IGSF10: variants seen among roughly 807,000 people sequenced by gnomAD.
IGSF10 encodes the protein calvaria mechanical force protein 608.
A neutral mutation model predicts 128.2 loss-of-function variants in IGSF10; 126 were observed. The ratio of observed to expected loss-of-function variants is 0.98; its 90% CI spans 0.85 to 1.14. IGSF10 has a LOEUF of 1.14. Ranked by LOEUF, IGSF10 falls within the 50% of genes most tolerant of loss-of-function variation. The pLI is 0.00. For missense variants in IGSF10, 3,295 were observed against 3,149.8 expected (o/e 1.05, Z -1.10); for synonymous variants, 1,185 against 1,146.2 (o/e 1.03, Z -0.68).
chr3:151,534,790 A>T, the IGSF10 span, among the ~76,000 whole-genome samples: 1 of 127,438 alleles, frequency 7.8e-6, no homozygotes, highest in African/African-American at 2.8e-5. Flanking sequence ...GTACCCCAGA[A>T]TTTAAAGTGT....
At chr3:151,586,872 G>T in the IGSF10 span, among the ~76,000 whole-genome samples, 1 of 151,880 alleles carries the variant, frequency 6.6e-6, no homozygotes, top group Non-Finnish European at 1.5e-5. Context: ...TGGAGAGGGG[G>T]GGAAAACACA....
chr3:151,463,547 TTTTTTTTTTTTTTTCTG>T (rs1722161755), upstream of IGSF10, among the ~76,000 whole-genome samples: 1 of 110,186 alleles, frequency 9.1e-6, no homozygotes, highest in African/African-American at 3.6e-5. Flanking sequence ...TTTTTTTTTT[TTTTTTTTTTTTTTTCTG>T]AGACGGAGTT....
the IGSF10 span, among the ~76,000 whole-genome samples, chr3:151,578,989 G>A: frequency 6.6e-6 from 1 of 152,186 alleles, no homozygotes; most frequent in Non-Finnish European, 1.5e-5. Flanking sequence ...AGTTGTGTCA[G>A]TCTATCAATG....
Position 151,446,016 on chromosome 3 carries a change from G to C in IGSF10, c.3965C>G (p.Thr1322Ser), listed in dbSNP as rs1721166564. Reference protein sequence around the residue: ...ISTQTAIPATTPTFPASVITY... With the variant: ...ISTQTAIPATSPTFPASVITY... ...GATGACAGATGCAGGGAAGGTAGGA[G>C]TTGTTGCTGGTATTGCTGTTTGCGT... is the stretch of plus-strand genomic sequence containing the variant. Residue 1322 changes from threonine to serine, a missense_variant, in exon 6 of 8, where the codon ACT becomes AGT. Transcript: ENST00000282466. The C allele has an allele frequency of 8.7e-6, 14 of 1,614,168 alleles. No homozygotes were observed. Among genetic ancestry groups the C allele is most frequent in the Non-Finnish European group, 1.1e-5 (13 of 1,180,028 alleles).
the IGSF10 span, among the ~76,000 whole-genome samples, chr3:151,495,034 G>A: frequency 3.9e-5 from 6 of 152,222 alleles, no homozygotes; most frequent in South Asian, 1.2e-3. Context: ...CATTCTCCTG[G>A]TCTGGTTGTA....
chr3:151,471,616 C>T, the IGSF10 span, among the ~76,000 whole-genome samples: 1 of 152,316 alleles, frequency 6.6e-6, no homozygotes, highest in East Asian at 1.9e-4. Context: ...TGGAATACTA[C>T]ATGATTTTGG....
At chr3:151,570,394 C>T in the IGSF10 span, among the ~76,000 whole-genome samples, 9 of 152,194 alleles carry the variant, frequency 5.9e-5, no homozygotes, top group African/African-American at 1.4e-4. Flanking sequence ...CCTCCAGCAC[C>T]TGTTGTTTCC....
chr3:151,517,446 T>C, the IGSF10 span, among the ~76,000 whole-genome samples: 1 of 152,078 alleles, frequency 6.6e-6, no homozygotes, highest in East Asian at 1.9e-4. Context: ...ATAATAGCAG[T>C]CTCCCTGGTG....
At chr3:151,438,961 AAAAT>A (rs1336239256) in intron 7 of IGSF10, among the ~76,000 whole-genome samples, 1 of 152,192 alleles carries the variant, frequency 6.6e-6, no homozygotes, top group Non-Finnish European at 1.5e-5. Flanking sequence ...TTGCAATAAA[AAAAT>A]AAAATTACTA....
chr3:151,528,953 G>A, the IGSF10 span, among the ~76,000 whole-genome samples: 25 of 151,786 alleles, frequency 1.6e-4, no homozygotes, highest in Non-Finnish European at 2.4e-4. Flanking sequence ...AAGATCCACC[G>A]GCGTGAAATT....
At chr3:151,530,823 C>T in the IGSF10 span, among the ~76,000 whole-genome samples, 446 of 152,236 alleles carry the variant, frequency 2.9e-3, 2 homozygotes, top group African/African-American at 0.01. Flanking sequence ...GCAAAATAAC[C>T]AGCTAGCATC....
At chr3:151,487,994 A>C in the IGSF10 span, among the ~76,000 whole-genome samples, 4 of 152,150 alleles carry the variant, frequency 2.6e-5, no homozygotes, top group Non-Finnish European at 5.9e-5. Flanking sequence ...ATCAGGCAAG[A>C]AAAAGAAAAA....
Position 151,447,827 on chromosome 3 carries a change from C to A in IGSF10, c.2154G>T (p.Arg718Ser), listed in dbSNP as rs1177207009. Reference protein sequence around the residue: ...VGKHTSSTSKRHNYRELTLQR... With the variant: ...VGKHTSSTSKSHNYRELTLQR... ...GGAGTGTTAATTCCCGATAGTTGTG[C>A]CTCTTACTTGTGCTTGAGGTGTGTT... The change falls in exon 6 of 8, where the codon AGG (arginine) becomes AGT (serine). Residue 718 changes from arginine to serine, a missense_variant. Coordinates refer to ENST00000282466, the MANE Select transcript of IGSF10 (RefSeq NM_178822.5). 1 of 1,613,932 alleles carries A rather than the reference C, an allele frequency of 6.2e-7. No homozygotes were observed. The highest frequency in any genetic ancestry group is 1.3e-5 in the African/African-American group (1 of 74,860).
chr3:151,599,564 T>G, the IGSF10 span, among the ~76,000 whole-genome samples: 1 of 152,164 alleles, frequency 6.6e-6, no homozygotes, highest in African/African-American at 2.4e-5. Context: ...ATTGCGTCTT[T>G]TTTGTGGACC....
chr3:151,472,648 T>C, the IGSF10 span, among the ~76,000 whole-genome samples: 1 of 152,200 alleles, frequency 6.6e-6, no homozygotes. Context: ...TGACCCCTTA[T>C]GAAATAGTCA....
rs749547383 is a variant in IGSF10 at position 151,448,274 on chromosome 3, T to C, written c.1707A>G (p.Val569=). ...CCTGATAGGCTTCGACCAAAGGTTC[T>C]ACCACAGTTATCCTATAGGTGAGAA... is the stretch of plus-strand genomic sequence containing the variant. The part of the protein sequence containing the change: ...ADILTYRITV[V]EPLVEAYQEN... The change falls in exon 6 of 8, where the codon GTA becomes GTG. Residue 569 remains valine (V), a synonymous_variant. Coordinates refer to ENST00000282466, the MANE Select transcript of IGSF10 (RefSeq NM_178822.5). 6.2e-7 allele frequency: 1 copy of C among 1,614,124 alleles called. No homozygotes were observed. The highest frequency in any genetic ancestry group is 8.5e-7 in the Non-Finnish European group (1 of 1,180,038).
At chr3:151,458,775 ACT>A in intron 2 of IGSF10, 65 bp from the exon 3 acceptor site, 2 of 1,359,666 alleles carry the variant, frequency 1.5e-6, no homozygotes, top group Non-Finnish European at 1.0e-6. Context: ...ACCACCACAC[ACT>A]CACTCTGGGA....
In IGSF10 at chr3:151,446,040, G is replaced by A. The variant is rs377262794; in HGVS notation, c.3941C>T (p.Thr1314Met). The change falls in exon 6 of 8, where the codon ACG (threonine) becomes ATG (methionine). Residue 1314 changes from threonine to methionine, a missense_variant. By Grantham distance (81) the Thr-to-Met change is moderately conservative. Coordinates refer to ENST00000282466, the MANE Select transcript of IGSF10 (RefSeq NM_178822.5). ...KDSSTKSIISTQTAIPATTPT... is the reference protein window; with the variant it reads ...KDSSTKSIISMQTAIPATTPT... ...AGTTGTTGCTGGTATTGCTGTTTGC[G>A]TTGATATGATGCTTTTTGTACTTGA... is the stretch of plus-strand genomic sequence containing the variant. 1.2e-4 allele frequency: 197 copies of A among 1,614,000 alleles called. No homozygotes were observed. Among genetic ancestry groups the A allele is most frequent in the Middle Eastern group, 6.6e-4 (4 of 6,084 alleles).
the IGSF10 span, among the ~76,000 whole-genome samples, chr3:151,469,110 T>C: frequency 6.6e-6 from 1 of 152,384 alleles, no homozygotes; most frequent in African/African-American, 2.4e-5. Context: ...GGTGTATACT[T>C]ACCACAGTTT....
Sources: gnomAD v4.1 joint callset for allele counts (sites outside exome capture counted in the v4.1 genomes callset) on GRCh38, gnomAD v4.1.1 for gene constraint, MANE v1.5 for transcripts, NCBI Gene and HGNC (gene_info 2026-07-23, HGNC 2026-07-21) for gene names.